PTGR2: variants seen among roughly 807,000 people sequenced by gnomAD.
PTGR2 encodes the protein 15-oxoprostaglandin 13-reductase.
Under a neutral mutation model 43.4 loss-of-function variants are expected in PTGR2, and 32 were observed. That is an observed-to-expected ratio of 0.74 (90% CI 0.56 to 0.99). PTGR2 has a LOEUF of 0.99. PTGR2 is among the 50% of genes least tolerant of loss of function. The pLI, the probability that PTGR2 is intolerant of heterozygous loss-of-function variation, is 0.00. For missense variants in PTGR2, 373 were observed against 420.0 expected, an observed-to-expected ratio of 0.89 and a Z score of 0.98; for synonymous variants, 106 against 139.2, an observed-to-expected ratio of 0.76 and a Z score of 1.68.
chr14:73,882,865 G>GGCT (rs1232878818), intron 9 of PTGR2, among the ~76,000 whole-genome samples: 1 of 117,648 alleles, frequency 8.5e-6, no homozygotes, highest in African/African-American at 3.3e-5. Flanking sequence ...CTGTCTCCCA[G>GGCT]GCTGGAGTGC....
intron 4 of PTGR2, among the ~76,000 whole-genome samples, chr14:73,874,911 C>G (rs369297662): frequency 9.2e-5 from 14 of 152,286 alleles, no homozygotes; most frequent in African/African-American, 3.4e-4. Context: ...CTCTGTCACC[C>G]AGGCTGGAGT....
intron 1 of PTGR2, among the ~76,000 whole-genome samples, chr14:73,857,817 C>T (rs752622050): frequency 1.3e-5 from 2 of 151,462 alleles, no homozygotes; most frequent in Non-Finnish European, 2.9e-5. Flanking sequence ...TACAGGCTCC[C>T]GCTACCACGC....
chr14:73,864,551 G>A (rs2054561170), intron 3 of PTGR2, among the ~76,000 whole-genome samples: 1 of 152,116 alleles, frequency 6.6e-6, no homozygotes, highest in Non-Finnish European at 1.5e-5. Context: ...ATAATGTTGA[G>A]CATGTTTTTA....
At chr14:73,882,158 T>C (rs1199333035) in intron 8 of PTGR2, among the ~76,000 whole-genome samples, 1 of 152,196 alleles carries the variant, frequency 6.6e-6, no homozygotes, top group Non-Finnish European at 1.5e-5. Flanking sequence ...GTTCTTTTTC[T>C]GTTTTAGAGT....
At chr14:73,868,149 C>T (rs937468024) in intron 3 of PTGR2, among the ~76,000 whole-genome samples, 12 of 152,058 alleles carry the variant, frequency 7.9e-5, no homozygotes, top group East Asian at 1.9e-4. Context: ...ATTAGCCAGG[C>T]GTGGTGGCAC....
rs958018194 is a variant in PTGR2, at chr14:73,881,422, A to G, written c.939+130A>G. 1.0e-4 allele frequency: 58 copies of G among 553,798 alleles called. 3 individuals are homozygous for G. Among genetic ancestry groups the G allele is most frequent in the Admixed American group, 3.0e-5 (1 of 33,786 alleles). 34.3% of individuals were successfully genotyped at this position (553,798 alleles called of 1,614,324 possible). ...CCTACAAAAGAAAAGTATGCTGAAT[A>G]TTATAAATTAACTCTACCTCCCAGG... On this transcript the variant is annotated intron_variant, in intron 8 of 9. Coordinates refer to ENST00000555661, the MANE Select transcript of PTGR2 (RefSeq NM_001146154.2).
At chr14:73,861,940 C>T (rs10873262) in intron 3 of PTGR2, among the ~76,000 whole-genome samples, 73,440 of 150,088 alleles carry the variant, frequency 0.49, 18,172 homozygotes, top group South Asian at 0.61. Context: ...TGCAGTGGCA[C>T]TATCTTGGCT....
chr14:73,876,008 A>G (rs1030351595), intron 4 of PTGR2, among the ~76,000 whole-genome samples: 17 of 151,014 alleles, frequency 1.1e-4, no homozygotes, highest in Admixed American at 1.1e-3. Context: ...TTTAGTAGAG[A>G]CGGGGTTTCA....
At chr14:73,874,500 C>T in intron 4 of PTGR2, 1 of 496,998 alleles carries the variant, frequency 2.0e-6, no homozygotes, top group South Asian at 1.6e-5. Context: ...ACTGGAGCCT[C>T]ACAGAAGAAT....
In PTGR2 at chr14:73,874,183, A is replaced by C; in HGVS notation, c.317A>C (p.Lys106Thr). 6.2e-7 allele frequency: 1 copy of C among 1,613,734 alleles called. No individual in the cohort carries two copies. The highest frequency in any genetic ancestry group is 8.5e-7 in the Non-Finnish European group (1 of 1,179,904). The change falls in exon 4 of 10, where the codon AAG becomes ACG. Residue 106 changes from lysine to threonine, a missense_variant. Lys to Thr is a moderately conservative substitution (Grantham distance 78). Coordinates refer to ENST00000555661, the MANE Select transcript of PTGR2 (RefSeq NM_001146154.2). The stretch of plus-strand genomic sequence containing the variant: ...TCTTTCTATTGGCCCTGGCAAACCA[A>C]GGTTATTCTGGATGGAAATAGCCTT... The part of the protein sequence containing the change: ...VTSFYWPWQT[K>T]VILDGNSLEK...
In PTGR2 at chr14:73,879,157, T is replaced by C; in HGVS notation, c.581T>C (p.Ile194Thr). The change falls in exon 6 of 10, where the codon ATC (isoleucine) becomes ACC (threonine). Residue 194 changes from isoleucine (I) to threonine (T), a missense_variant. By Grantham distance (89) the Ile-to-Thr change is moderately conservative. Coordinates refer to ENST00000555661, the MANE Select transcript of PTGR2 (RefSeq NM_001146154.2). ...ATTTGTGGAACACATGAGAAATGCA[T>C]CCTCTTGACCTCAGAACTGGGCTTT... Reference protein sequence around the residue: ...VGICGTHEKCILLTSELGFDA... With the variant: ...VGICGTHEKCTLLTSELGFDA... 1 of 1,614,156 alleles carries C rather than the reference T, an allele frequency of 6.2e-7. No individual in the cohort carries two copies. Among genetic ancestry groups the C allele is most frequent in the Non-Finnish European group, 8.5e-7 (1 of 1,180,022 alleles).
At chr14:73,866,106 G>A (rs11624414) in intron 3 of PTGR2, among the ~76,000 whole-genome samples, 74,233 of 151,582 alleles carry the variant, frequency 0.49, 18,373 homozygotes, top group South Asian at 0.61. Context: ...GGTTCAAGTG[G>A]TTCCCCTGCC....
chr14:73,865,736 C>CT (rs956932039), intron 3 of PTGR2, among the ~76,000 whole-genome samples: 181 of 145,136 alleles, frequency 1.2e-3, no homozygotes, highest in South Asian at 4.2e-3. Context: ...CGTGTCAGCA[C>CT]TTTTTTTTTT....
intron 1 of PTGR2, among the ~76,000 whole-genome samples, chr14:73,853,108 A>G (rs1455076887): frequency 2.0e-5 from 3 of 152,112 alleles, no homozygotes; most frequent in African/African-American, 7.2e-5. Context: ...GGTGTGAGCC[A>G]CGGCTCTGGG....
intron 8 of PTGR2, 38 bp from the exon 9 acceptor site, chr14:73,882,361 G>T (rs774818022): frequency 6.9e-6 from 9 of 1,300,036 alleles, no homozygotes; most frequent in Non-Finnish European, 9.9e-6. Flanking sequence ...AAACATTGAA[G>T]TTTAAAGACT....
chr14:73,874,335 C>A, intron 4 of PTGR2, 121 bp downstream of exon 4: 1 of 778,946 alleles, frequency 1.3e-6, no homozygotes, highest in Non-Finnish European at 2.0e-6. Context: ...TTTTAGCTAG[C>A]TGCCAAAATG....
chr14:73,872,047 T>G (rs959799329), intron 3 of PTGR2, among the ~76,000 whole-genome samples: 1 of 152,210 alleles, frequency 6.6e-6, no homozygotes, highest in Non-Finnish European at 1.5e-5. Flanking sequence ...TCAGGTGTCC[T>G]TCCATGTTTT....
chr14:73,855,717 A>C (rs1473082398), intron 1 of PTGR2, among the ~76,000 whole-genome samples: 2 of 147,702 alleles, frequency 1.4e-5, no homozygotes, highest in African/African-American at 4.9e-5. Context: ...AAGTGCTGGG[A>C]TTACAGGCAT....
intron 6 of PTGR2, 185 bp downstream of exon 6, chr14:73,879,490 T>G: frequency 1.8e-6 from 1 of 546,404 alleles, no homozygotes; most frequent in African/African-American, 1.9e-5. Context: ...TACTTGCAGA[T>G]TTGTACTATG....
Sources: gnomAD v4.1 joint callset for allele counts (sites outside exome capture counted in the v4.1 genomes callset) on GRCh38, gnomAD v4.1.1 for gene constraint, MANE v1.5 for transcripts, NCBI Gene and HGNC (gene_info 2026-07-23, HGNC 2026-07-21) for gene names.